The following SAMD4A variants were observed in gnomAD, a reference collection of about 807,000 sequenced individuals.
SAMD4A encodes protein Smaug homolog 1.
A neutral mutation model predicts 81.3 loss-of-function variants in SAMD4A; 33 were observed. The observed-to-expected ratio is 0.41, with a 90% CI of 0.31 to 0.54. The LOEUF is 0.54. Among genes scored for constraint, SAMD4A ranks in the 20% least tolerant of loss-of-function variants. The pLI is 0.37. For synonymous variants in SAMD4A, 389 were observed against 382.1 expected, an observed-to-expected ratio of 1.02 and a Z score of -0.21; for missense variants, 854 against 951.1, an observed-to-expected ratio of 0.90 and a Z score of 1.34.
intron 2 of SAMD4A, among the ~76,000 whole-genome samples, chr14:54,597,146 A>G (rs1394580880): frequency 1.3e-5 from 2 of 151,916 alleles, no homozygotes; most frequent in Non-Finnish European, 2.9e-5. Flanking sequence ...GGCAGCACCA[A>G]ATATGCATTC....
chr14:54,646,035 C>G (rs2035280026), intron 2 of SAMD4A, among the ~76,000 whole-genome samples: 2 of 152,318 alleles, frequency 1.3e-5, no homozygotes, highest in East Asian at 1.9e-4. Flanking sequence ...ATCAATAACT[C>G]TTCCTATGGA....
upstream of SAMD4A, among the ~76,000 whole-genome samples, chr14:54,565,545 A>G (rs112962365): frequency 0.02 from 3,106 of 152,176 alleles, 103 homozygotes; most frequent in African/African-American, 0.068. This position sits in a 1 kb window ranked among gnomAD's most constrained non-coding sequence, Gnocchi z 5.4. Flanking sequence ...AGCCTCGTGA[A>G]CCCTTCGCCT....
intron 6 of SAMD4A, 93 bp downstream of exon 6, chr14:54,751,630 T>C: frequency 1.2e-6 from 1 of 817,180 alleles, no homozygotes; most frequent in Non-Finnish European, 2.1e-6. Flanking sequence ...ACAGACCTTC[T>C]AGAGCGTACC....
intron 3 of SAMD4A, 61 bp downstream of exon 3, chr14:54,702,641 T>C: frequency 1.3e-6 from 2 of 1,561,692 alleles, no homozygotes; most frequent in African/African-American, 1.3e-5. Context: ...GTATGTGGCA[T>C]GTCCTGCTGA....
chr14:54,592,050 CT>C (rs1250514947), intron 2 of SAMD4A, among the ~76,000 whole-genome samples: 5 of 152,110 alleles, frequency 3.3e-5, no homozygotes, highest in African/African-American at 1.2e-4. Context: ...AAGCTCCCCC[CT>C]CTTCCCCCTC....
intron 3 of SAMD4A, among the ~76,000 whole-genome samples, chr14:54,711,464 T>C (rs2036987452): frequency 6.6e-6 from 1 of 152,188 alleles, no homozygotes; most frequent in South Asian, 2.1e-4. Flanking sequence ...TTGTATTGCA[T>C]TAATGTCAAG....
At chr14:54,672,958 A>G (rs1207101499) in intron 2 of SAMD4A, among the ~76,000 whole-genome samples, 2 of 152,204 alleles carry the variant, frequency 1.3e-5, no homozygotes, top group Non-Finnish European at 1.5e-5. Flanking sequence ...TGCCGGCATT[A>G]GAGACTCACC....
intron 2 of SAMD4A, among the ~76,000 whole-genome samples, chr14:54,665,275 A>G (rs1189893367): frequency 1.3e-5 from 2 of 152,236 alleles, no homozygotes; most frequent in Non-Finnish European, 1.5e-5. Flanking sequence ...TGATCATTGG[A>G]TTCCTATTCA....
intron 3 of SAMD4A, among the ~76,000 whole-genome samples, chr14:54,718,918 G>A (rs969105890): frequency 1.3e-5 from 2 of 151,544 alleles, no homozygotes; most frequent in East Asian, 2.0e-4. Flanking sequence ...CAGGAGAATC[G>A]CTTGAACCCA....
intron 2 of SAMD4A, among the ~76,000 whole-genome samples, chr14:54,699,013 T>C (rs2036644053): frequency 6.6e-6 from 1 of 152,098 alleles, no homozygotes; most frequent in Non-Finnish European, 1.5e-5. Context: ...AGGGAGTTCC[T>C]CAGCCTCATG....
chr14:54,770,123 A>C lies in SAMD4A; in HGVS notation c.1616A>C (p.Lys539Thr). 6.2e-7 allele frequency: 1 copy of C among 1,614,000 alleles called. No individual in the cohort carries two copies. Among genetic ancestry groups the C allele is most frequent in the South Asian group, 1.1e-5 (1 of 91,070 alleles). ...LIHEAFTETQ[K>T]KRLLSWKQQV... ...TTGCAGGCATTTACAGAGACACAGA[A>C]AAAAAGATTGTTGTCATGGAAACAG... The change falls in exon 9 of 13, where the codon AAA (lysine) becomes ACA (threonine). Residue 539 changes from lysine (K) to threonine (T), a missense_variant. By Grantham distance (78) the Lys-to-Thr change is moderately conservative. This residue lies in a region of SAMD4A where 428 missense variants were observed against 471.2 expected (regional missense o/e 0.91). Transcript: ENST00000554335.
intron 2 of SAMD4A, among the ~76,000 whole-genome samples, chr14:54,683,285 C>A (rs1345529205): frequency 6.6e-6 from 1 of 152,190 alleles, no homozygotes; most frequent in Non-Finnish European, 1.5e-5. Flanking sequence ...GGCACAGGAC[C>A]ATGCCAGGTT....
At chr14:54,640,174 CT>C (rs1482867914) in intron 2 of SAMD4A, among the ~76,000 whole-genome samples, 1 of 152,172 alleles carries the variant, frequency 6.6e-6, no homozygotes, top group African/African-American at 2.4e-5. Flanking sequence ...GGCCTTTACT[CT>C]TTCCCCAGAA....
At chr14:54,639,823 C>T (rs1246987227) in intron 2 of SAMD4A, among the ~76,000 whole-genome samples, 3 of 151,758 alleles carry the variant, frequency 2.0e-5, no homozygotes, top group Admixed American at 6.6e-5. Context: ...CACACACACA[C>T]ACACGTACAC....
chr14:54,597,511 G>T (rs1427514451), intron 2 of SAMD4A, among the ~76,000 whole-genome samples: 4 of 151,358 alleles, frequency 2.6e-5, no homozygotes, highest in Non-Finnish European at 4.4e-5. Flanking sequence ...CTGATCTCAG[G>T]TGATCGCCCA....
At chr14:54,611,479 A>G (rs1010571390) in intron 2 of SAMD4A, among the ~76,000 whole-genome samples, 1 of 152,222 alleles carries the variant, frequency 6.6e-6, no homozygotes, top group Non-Finnish European at 1.5e-5. Context: ...ACTCTTCCTT[A>G]TGCTAGCCTT....
chr14:54,763,135 A>G (rs934399496), intron 7 of SAMD4A, among the ~76,000 whole-genome samples: 12 of 151,894 alleles, frequency 7.9e-5, no homozygotes, highest in Non-Finnish European at 1.3e-4. Flanking sequence ...GATTACAGGC[A>G]TGAGCCACCG....
At chr14:54,577,393 G>T (rs1196178287) in intron 2 of SAMD4A, among the ~76,000 whole-genome samples, 5 of 152,246 alleles carry the variant, frequency 3.3e-5, no homozygotes, top group Non-Finnish European at 7.3e-5. Context: ...AGCTAAGAAG[G>T]TGTTTGTAAA....
chr14:54,688,501 A>G (rs567883270), intron 2 of SAMD4A, among the ~76,000 whole-genome samples: 4 of 152,270 alleles, frequency 2.6e-5, no homozygotes, highest in African/African-American at 4.8e-5. Flanking sequence ...GACTTTGTTT[A>G]TTCTTATGGC....
Sources: gnomAD v4.1 joint callset for allele counts (sites outside exome capture counted in the v4.1 genomes callset) on GRCh38, gnomAD v4.1.1 for gene constraint, gnomAD v4.1.1 regional missense constraint, Gnocchi (gnomAD v3.1) non-coding constraint, MANE v1.5 for transcripts, NCBI Gene and HGNC (gene_info 2026-07-23, HGNC 2026-07-21) for gene names.